The following C3orf52 variants were observed in gnomAD, a reference collection of about 807,000 sequenced individuals.
The protein encoded by C3orf52 is TPA-induced transmembrane protein.
C3orf52 carries 22 observed loss-of-function variants against 24.8 expected under a neutral mutation model. The ratio of observed to expected loss-of-function variants is 0.89; its 90% confidence interval spans 0.63 to 1.27. The LOEUF (loss-of-function observed/expected upper bound fraction) is 1.27, where lower values mean the gene tolerates loss of function less well. Ranked by LOEUF, C3orf52 falls within the 50% of genes most tolerant of loss-of-function variation. C3orf52 has a pLI of 0.00. For missense variants in C3orf52, 265 were observed against 260.7 expected (o/e 1.02, Z -0.11); for synonymous variants, 93 against 100.2 (o/e 0.93, Z 0.43).
downstream of C3orf52, among the ~76,000 whole-genome samples, chr3:112,132,349 C>G (rs1371143673): frequency 6.6e-6 from 1 of 152,166 alleles, no homozygotes; most frequent in Non-Finnish European, 1.5e-5. Flanking sequence ...GGCTCGCTTA[C>G]TCTCTCTAGA....
chr3:112,101,973 T>C (rs935122242), intron 2 of C3orf52, among the ~76,000 whole-genome samples: 1 of 152,150 alleles, frequency 6.6e-6, no homozygotes, highest in African/African-American at 2.4e-5. Flanking sequence ...ATCAATTAGA[T>C]GGCAGTCATT....
At chr3:112,109,418 A>T in intron 3 of C3orf52, 125 bp from the exon 4 acceptor site, 1 of 515,400 alleles carries the variant, frequency 1.9e-6, no homozygotes, top group Non-Finnish European at 3.5e-6. Flanking sequence ...CAGAGCTTCC[A>T]GATAACGTTG....
intron 3 of C3orf52, among the ~76,000 whole-genome samples, chr3:112,105,388 G>T (rs1461800772): frequency 6.6e-6 from 1 of 152,178 alleles, no homozygotes; most frequent in Admixed American, 6.5e-5. Context: ...TAAAGGTATT[G>T]CTGTCTTATT....
intron 5 of C3orf52, among the ~76,000 whole-genome samples, chr3:112,114,634 G>A (rs1327292253): frequency 1.3e-5 from 2 of 152,030 alleles, no homozygotes; most frequent in Non-Finnish European, 2.9e-5. Flanking sequence ...AACCTGGGAG[G>A]CAGAGGTTGC....
At chr3:112,119,457 G>GT (rs1180800962), downstream of C3orf52, 11 of 702,860 alleles carry the variant, frequency 1.6e-5, no homozygotes, top group African/African-American at 7.0e-5. Context: ...ATCAGAGGAC[G>GT]TTTTTTTGTA....
At chr3:112,104,512 A>G (rs542085550) in intron 3 of C3orf52, among the ~76,000 whole-genome samples, 2 of 152,288 alleles carry the variant, frequency 1.3e-5, no homozygotes, top group East Asian at 1.9e-4. Flanking sequence ...GTACCCACGC[A>G]TGAGATTTCA....
At chr3:112,132,063 A>G (rs1375280751), downstream of C3orf52, among the ~76,000 whole-genome samples, 1 of 152,222 alleles carries the variant, frequency 6.6e-6, no homozygotes, top group African/African-American at 2.4e-5. Context: ...CAATCACTAC[A>G]TTTGAGCATC....
intron 3 of C3orf52, among the ~76,000 whole-genome samples, chr3:112,104,720 A>G (rs918880506): frequency 6.6e-6 from 1 of 151,802 alleles, no homozygotes; most frequent in Non-Finnish European, 1.5e-5. Context: ...GTGATTTCTG[A>G]GATTTTGGTG....
Position 112,086,419 on chromosome 3 carries a change from C to T in C3orf52, c.12C>T (p.Ala4=), listed in dbSNP as rs777082126. The change falls in exon 1 of 6, where the codon GCC becomes GCT. Residue 4 remains alanine (A), a synonymous_variant. Transcript: ENST00000264848. ...TTCCCTGCCGGCACATGGACCTGGCCCAACCCTCACAGCCAGTAGACGAGC... is the reference window on the plus strand; with the variant it reads ...TTCCCTGCCGGCACATGGACCTGGCTCAACCCTCACAGCCAGTAGACGAGC... MDL[A]QPSQPVDELE... 2.2e-5 allele frequency: 34 copies of T among 1,549,908 alleles called. No homozygotes were observed. The highest frequency in any genetic ancestry group is 5.9e-5 in the Admixed American group (3 of 50,832).
At chr3:112,106,131 CTCTGTCT>C (rs2074021114) in intron 3 of C3orf52, among the ~76,000 whole-genome samples, 1 of 152,346 alleles carries the variant, frequency 6.6e-6, no homozygotes, top group African/African-American at 2.4e-5. Context: ...GCTCTCCAGA[CTCTGTCT>C]TTTAGGGATT....
rs140372142 is a variant in C3orf52, at chr3:112,106,291, C to T, written c.397-3252C>T. Among the ~76,000 whole-genome samples, 1,138 of 151,680 alleles carry T rather than the reference C, an allele frequency of 7.5e-3. 8 individuals carry two copies. The highest frequency in any genetic ancestry group is 0.011 in the Non-Finnish European group (770 of 67,964). ...TTTTTTTTTCTCCAGACAGTTTTCA[C>T]TATATTGCCTAGGCTGATATCAAGC... On this transcript the variant is annotated intron_variant, in intron 3 of 5. Transcript: ENST00000264848.
downstream of C3orf52, among the ~76,000 whole-genome samples, chr3:112,119,305 G>A (rs1252373858): frequency 6.6e-6 from 1 of 152,186 alleles, no homozygotes; most frequent in Non-Finnish European, 1.5e-5. Context: ...AACCTAGGAG[G>A]CAGAGGTTGC....
At chr3:112,101,103 T>G (rs191455) in intron 2 of C3orf52, among the ~76,000 whole-genome samples, 144,435 of 152,238 alleles carry the variant, frequency 0.95, 68,901 homozygotes, top group Non-Finnish European at 1. Context: ...CTTATAACAA[T>G]TAAGGACGCA....
chr3:112,110,010 G>T (rs1017641716), intron 4 of C3orf52, among the ~76,000 whole-genome samples: 1 of 152,246 alleles, frequency 6.6e-6, no homozygotes, highest in Admixed American at 6.5e-5. Context: ...TAATACAGGA[G>T]TACATTCTCC....
chr3:112,095,381 C>T (rs1037369363), intron 2 of C3orf52, among the ~76,000 whole-genome samples: 17 of 152,132 alleles, frequency 1.1e-4, no homozygotes, highest in Admixed American at 3.3e-4. Context: ...ATATTTGGAT[C>T]CTGTTGGCAT....
intron 3 of C3orf52, among the ~76,000 whole-genome samples, chr3:112,105,347 C>T (rs2074013370): frequency 6.6e-6 from 1 of 152,162 alleles, no homozygotes; most frequent in African/African-American, 2.4e-5. Flanking sequence ...CATTCGTCAA[C>T]CAAATATGCT....
chr3:112,093,478 G>A lies in C3orf52; in HGVS notation c.257G>A (p.Cys86Tyr), dbSNP rs761622200. ...ATTACAGTGATCATCATAGGCTTATGTCTTGCTGCAGGTAAGAGGATTTAG... is the reference window on the plus strand; with the variant it reads ...ATTACAGTGATCATCATAGGCTTATATCTTGCTGCAGGTAAGAGGATTTAG... ...GVITVIIIGL[C>Y]LAAVTYVDED... The change falls in exon 2 of 6, where the codon TGT becomes TAT. Residue 86 changes from cysteine to tyrosine, a missense_variant. Transcript: ENST00000264848. The A allele has an allele frequency of 6.2e-7, 1 of 1,612,988 alleles. No homozygotes were observed. Among genetic ancestry groups the A allele is most frequent in the African/African-American group, 1.3e-5 (1 of 74,998 alleles).
At chr3:112,122,774 A>T (rs901333198), downstream of C3orf52, 5 of 152,202 alleles carry the variant, frequency 3.3e-5, no homozygotes, top group African/African-American at 1.2e-4. Context: ...ATCTCCAAGG[A>T]TCGTTCTTCT....
chr3:112,095,231 G>A (rs1012847851), intron 2 of C3orf52, among the ~76,000 whole-genome samples: 6 of 152,168 alleles, frequency 3.9e-5, no homozygotes, highest in South Asian at 2.1e-4. Context: ...CACCTCCTCC[G>A]TCATGCTGAG....
Sources: allele counts gnomAD v4.1 joint callset (sites outside exome capture counted in the v4.1 genomes callset), GRCh38; gene constraint gnomAD v4.1.1; transcripts MANE v1.5; gene names NCBI Gene and HGNC (gene_info 2026-07-23, HGNC 2026-07-21).